Variants in UNC13B observed in about 807,000 individuals in gnomAD.
UNC13B encodes the protein protein unc-13 homolog B.
UNC13B carries 144 observed loss-of-function variants against 211.0 expected under a neutral mutation model. That is an observed-to-expected ratio of 0.68 (90% confidence interval 0.60 to 0.78). UNC13B has a LOEUF of 0.78. Among genes scored for constraint, UNC13B ranks in the 30% least tolerant of loss-of-function variants. The pLI is 0.00. For missense variants in UNC13B, 1,777 were observed against 2,002.0 expected, an observed-to-expected ratio of 0.89 and a Z score of 2.14; for synonymous variants, 709 against 725.8, an observed-to-expected ratio of 0.98 and a Z score of 0.37.
chr9:35,316,494 T>C (rs975640260), intron 11 of UNC13B, among the ~76,000 whole-genome samples: 3 of 151,972 alleles, frequency 2.0e-5, no homozygotes, highest in African/African-American at 7.2e-5. Flanking sequence ...AATGCTATTA[T>C]TTGTATATAG....
intron 1 of UNC13B, among the ~76,000 whole-genome samples, chr9:35,170,769 T>C (rs1004792435): frequency 1.6e-4 from 25 of 152,074 alleles, no homozygotes; most frequent in African/African-American, 5.8e-4. Context: ...ACTGTGCATT[T>C]AAAGCAAGAG....
chr9:35,182,419 A>T (rs1821987198), intron 1 of UNC13B, among the ~76,000 whole-genome samples: 1 of 151,520 alleles, frequency 6.6e-6, no homozygotes, highest in South Asian at 2.1e-4. Flanking sequence ...GCTGATTAAA[A>T]TTTATTTTTT....
chr9:35,199,488 A>T (rs937750333), intron 1 of UNC13B, among the ~76,000 whole-genome samples: 2 of 152,166 alleles, frequency 1.3e-5, no homozygotes, highest in African/African-American at 4.8e-5. Context: ...ATTTCTCCAT[A>T]TCCTCTCCAG....
Position 35,302,965 on chromosome 9 carries a change from T to G in UNC13B, c.3561T>G (p.Phe1187Leu). 1 of 398,712 alleles carries G rather than the reference T, an allele frequency of 2.5e-6. No individual in the cohort carries two copies. Among genetic ancestry groups the G allele is most frequent in the Non-Finnish European group, 4.4e-6 (1 of 225,760 alleles). The allele number at this position is 398,712 out of a possible 1,614,324, so 24.7% of individuals were successfully genotyped here. Residue 1187 changes from phenylalanine (F) to leucine (L), a missense_variant, in exon 9 of 40, where the codon TTT (phenylalanine) becomes TTG (leucine). Transcript: ENST00000635942. ...NNTPGLISGIFNLLSNSGMID... is the reference protein window; with the variant it reads ...NNTPGLISGILNLLSNSGMID... Reference sequence around the variant, plus strand: ...CCCCAGGTTTAATCTCTGGAATATTTAACCTGCTATCAAATAGCGGTATGA... The same window carrying G: ...CCCCAGGTTTAATCTCTGGAATATTGAACCTGCTATCAAATAGCGGTATGA...
chr9:35,351,078 A>G (rs12351465), intron 11 of UNC13B, among the ~76,000 whole-genome samples: 35 of 152,288 alleles, frequency 2.3e-4, no homozygotes, highest in Admixed American at 5.9e-4. Context: ...CCAGAACACA[A>G]GGACTTTATT....
rs1836534819 is a variant in UNC13B, at chr9:35,404,137, G to A, written c.*104G>A. Reference sequence around the variant, plus strand: ...TTAGGGTCTTTGCAGTCAAGAGGCTGACCCCTTCAGTTAAAGATATTTAAG... The same window carrying A: ...TTAGGGTCTTTGCAGTCAAGAGGCTAACCCCTTCAGTTAAAGATATTTAAG... On this transcript the variant is annotated 3_prime_UTR_variant, in exon 40 of 40. Transcript: ENST00000635942. 9 of 1,424,404 alleles carry A rather than the reference G, an allele frequency of 6.3e-6. No individual in the cohort carries two copies. The African/African-American group carries it at 8.6e-5, about 14-fold the overall frequency. 88.2% of individuals were successfully genotyped at this position (1,424,404 alleles called of 1,614,324 possible).
intron 1 of UNC13B, among the ~76,000 whole-genome samples, chr9:35,219,431 T>A (rs1824447830): frequency 6.6e-6 from 1 of 152,120 alleles, no homozygotes; most frequent in Non-Finnish European, 1.5e-5. Flanking sequence ...GAAACTGTTT[T>A]CCAACAGTGG....
In UNC13B at chr9:35,310,838, T is replaced by C. The variant is rs543124738; in HGVS notation, c.9323+57T>C. On this transcript the variant is annotated intron_variant, in intron 10 of 39. Coordinates refer to ENST00000635942, the MANE Select transcript of UNC13B (RefSeq NM_001371189.2). ...GGCTTCCTCAGTACCTGCCCTGTGG[T>C]ATTGCTGAAAATAAGTGATTGTCAT... 980 of 1,505,064 alleles carry C rather than the reference T, an allele frequency of 6.5e-4. 1 individual carries two copies. Among genetic ancestry groups the C allele is most frequent in the Admixed American group, 1.5e-3 (76 of 50,346 alleles). 93.2% of individuals were successfully genotyped at this position (1,505,064 alleles called of 1,614,324 possible).
intron 22 of UNC13B, chr9:35,385,186 C>CTTT: frequency 3.0e-6 from 3 of 985,438 alleles, no homozygotes; most frequent in Non-Finnish European, 3.6e-6. Context: ...GTAAGGATGG[C>CTTT]TGGAAATTCC....
chr9:35,376,401 C>G (rs1244362149), intron 15 of UNC13B, among the ~76,000 whole-genome samples, 154 bp downstream of exon 15: 1 of 152,216 alleles, frequency 6.6e-6, no homozygotes, highest in African/African-American at 2.4e-5. Context: ...GATTCTGAAT[C>G]AAGGGGCATT....
rs200104920 is a variant in UNC13B at position 35,396,949 on chromosome 9, G to C, written c.11532+12G>C. 4.6e-5 allele frequency: 75 copies of C among 1,613,908 alleles called. No homozygotes were observed. In the Admixed American group the frequency reaches 9.3e-4, roughly 20 times the overall value. ...ATAAGAAGGATGGAGTAAGTCAGGGGCTTTGGCTGCACCGGGTTCAGGCCA... is the reference window on the plus strand; with the variant it reads ...ATAAGAAGGATGGAGTAAGTCAGGGCCTTTGGCTGCACCGGGTTCAGGCCA... On this transcript the variant is annotated intron_variant, in intron 28 of 39. Coordinates refer to ENST00000635942, the MANE Select transcript of UNC13B (RefSeq NM_001371189.2).
At position 35,377,601 on chromosome 9, in the gene UNC13B, A is replaced by G. The variant is rs2132231240; in HGVS notation, c.9969A>G (p.Thr3323=). The G allele has an allele frequency of 6.2e-7, 1 of 1,614,254 alleles. No homozygotes were observed. The highest frequency in any genetic ancestry group is 2.2e-5 in the East Asian group (1 of 44,886). ...TTGAAGTTATCCGGGACGTCTTCAC[A>G]GTGAACAAAGCTGCCCATGTGCAGC... ...EIFEVIRDVF[T]VNKAAHVQQM... Residue 3323 remains threonine (T), a synonymous_variant, in exon 16 of 40, where the codon ACA becomes ACG. Coordinates refer to ENST00000635942, the MANE Select transcript of UNC13B (RefSeq NM_001371189.2).
chr9:35,378,265 T>C, intron 16 of UNC13B, 30 bp from the exon 17 acceptor site: 1 of 1,613,810 alleles, frequency 6.2e-7, no homozygotes. Flanking sequence ...TGAACGACTC[T>C]GAAGCCTCCT....
chr9:35,342,850 G>C (rs1832093159), intron 11 of UNC13B, among the ~76,000 whole-genome samples: 1 of 152,058 alleles, frequency 6.6e-6, no homozygotes. Flanking sequence ...TTCTGTTCTT[G>C]AATATATTCT....
chr9:35,319,708 T>G (rs1179291269), intron 11 of UNC13B, among the ~76,000 whole-genome samples: 1 of 152,106 alleles, frequency 6.6e-6, no homozygotes, highest in Non-Finnish European at 1.5e-5. Flanking sequence ...TCACCCAGGC[T>G]GGAGTGCACG....
chr9:35,395,779 C>T (rs1338436344), intron 26 of UNC13B, among the ~76,000 whole-genome samples: 1 of 152,182 alleles, frequency 6.6e-6, no homozygotes, highest in Admixed American at 6.5e-5. Context: ...TTTTCAAATT[C>T]GTAGTAAGTG....
intron 11 of UNC13B, chr9:35,353,777 G>A: frequency 1.6e-6 from 2 of 1,232,012 alleles, no homozygotes; most frequent in South Asian, 4.1e-5. Context: ...AGTACAGAAG[G>A]CAAACCGTCT....
chr9:35,217,686 G>A (rs1824334847), intron 1 of UNC13B, among the ~76,000 whole-genome samples: 2 of 152,102 alleles, frequency 1.3e-5, no homozygotes, highest in Admixed American at 1.3e-4. Context: ...ACTGTGCCCG[G>A]CGCCTACTAT....
chr9:35,243,173 C>G, intron 5 of UNC13B, 118 bp from the exon 6 acceptor site: 1 of 944,002 alleles, frequency 1.1e-6, no homozygotes, highest in Non-Finnish European at 1.7e-6. Context: ...TCAGTTAAAA[C>G]TTGTGCATCA....
Sources: gnomAD v4.1 joint callset for allele counts (sites outside exome capture counted in the v4.1 genomes callset) on GRCh38, gnomAD v4.1.1 for gene constraint, MANE v1.5 for transcripts, NCBI Gene and HGNC (gene_info 2026-07-23, HGNC 2026-07-21) for gene names.